GABRA3: variants seen among roughly 807,000 people sequenced by gnomAD.
GABRA3 encodes the protein gamma-aminobutyric acid type A receptor subunit alpha3, also known as gamma-aminobutyric acid receptor subunit alpha-3.
In GABRA3, 10 loss-of-function variants were observed where a neutral mutation model predicts 30.1. The ratio of observed to expected loss-of-function variants is 0.33; its 90% CI spans 0.20 to 0.56. The LOEUF (loss-of-function observed/expected upper bound fraction) is 0.56, where lower values mean the gene tolerates loss of function less well. Among genes scored for constraint, GABRA3 ranks in the 20% least tolerant of loss-of-function variants. GABRA3 has a pLI of 0.89. For synonymous variants in GABRA3, 151 were observed against 146.8 expected (o/e 1.03, Z -0.21); for missense variants, 233 against 392.0 (o/e 0.59, Z 3.42).
At chrX:152,338,978 G>A (rs1482409407) in intron 3 of GABRA3, among the ~76,000 whole-genome samples, 1 of 110,756 alleles carries the variant, frequency 9.0e-6, no homozygotes, top group East Asian at 2.8e-4. Context: ...CTCCAGTTTT[G>A]TTATTTATTT....
chrX:152,265,777 A>G (rs1255997955), intron 4 of GABRA3, among the ~76,000 whole-genome samples: 6 of 111,764 alleles, frequency 5.4e-5, no homozygotes, highest in Non-Finnish European at 9.4e-5. Context: ...GAATAATGAA[A>G]TAAAATCAGA....
chrX:152,242,780 C>A (rs771385827), intron 5 of GABRA3, among the ~76,000 whole-genome samples: 1 of 111,624 alleles, frequency 9.0e-6, no homozygotes, highest in South Asian at 3.7e-4. Context: ...CTCTTTCATA[C>A]GGCCATTATA....
In GABRA3 at chrX:152,167,525, G is replaced by C. The variant is rs1936951659; in HGVS notation, c.*703C>G. On this transcript the variant is annotated 3_prime_UTR_variant, in exon 10 of 10. Transcript: ENST00000370314. ...GGCAGTGGGGGAAGAAGATTTTCTGGAGGAGAGATGTACCAAGGAGGGGAC... is the reference window on the plus strand; with the variant it reads ...GGCAGTGGGGGAAGAAGATTTTCTGCAGGAGAGATGTACCAAGGAGGGGAC... The C allele has an allele frequency of 9.0e-6, 1 of 111,698 alleles. No homozygotes were observed. Among genetic ancestry groups the C allele is most frequent in the African/African-American group, 3.3e-5 (1 of 30,643 alleles). The allele number at this position is 111,698 out of a possible 1,213,427, so 9.2% of individuals were successfully genotyped here.
rs759213705 is a variant in GABRA3, at chrX:152,396,600, A to G, written c.-26-32004T>C. On this transcript the variant is annotated intron_variant, in intron 1 of 9. Transcript: ENST00000370314. ...CTCACAATCATCTATTATTAGAAGT[A>G]GAGAGTAGTAGAATCATCCAAATAC... 1.8e-4 allele frequency among the ~76,000 whole-genome samples: 20 copies of G among 112,298 alleles called. No individual in the cohort carries two copies. The South Asian group carries it at 7.3e-3, about 41-fold the overall frequency.
At chrX:152,180,859 A>T (rs1018075825) in intron 9 of GABRA3, among the ~76,000 whole-genome samples, 7 of 111,886 alleles carry the variant, frequency 6.3e-5, no homozygotes, top group African/African-American at 2.3e-4. Context: ...AAATGCATGA[A>T]TTTATTTTTG....
At chrX:152,421,188 C>G (rs767936652) in intron 1 of GABRA3, among the ~76,000 whole-genome samples, 1 of 109,737 alleles carries the variant, frequency 9.1e-6, no homozygotes, top group African/African-American at 3.3e-5. Flanking sequence ...TACAGTAAGT[C>G]CTCACCTTAA....
intron 1 of GABRA3, among the ~76,000 whole-genome samples, chrX:152,443,486 T>A (rs1194941696): frequency 9.0e-6 from 1 of 111,705 alleles, no homozygotes; most frequent in African/African-American, 3.3e-5. Context: ...TCTTAATAAT[T>A]CATTCAACAA....
chrX:152,439,480 G>C (rs767906849), intron 1 of GABRA3, among the ~76,000 whole-genome samples: 17 of 111,406 alleles, frequency 1.5e-4, no homozygotes, highest in African/African-American at 5.2e-4. Context: ...ATAATGAGCA[G>C]CTGAGACTCT....
At position 152,189,844 on chromosome X, in the gene GABRA3, G is replaced by A. The variant is rs941267146; in HGVS notation, c.1029C>T (p.Ala343=). 1.4e-5 allele frequency: 17 copies of A among 1,205,890 alleles called. No individual in the cohort carries two copies. The highest frequency in any genetic ancestry group is 3.0e-5 in the East Asian group (1 of 33,659). Residue 343 remains alanine (A), a synonymous_variant, in exon 9 of 10, where the codon GCC becomes GCT. Coordinates refer to ENST00000370314, the MANE Select transcript of GABRA3 (RefSeq NM_000808.4). ...CAGAAAATACAAAGGCATAACAGAC[G>A]GCTATGAACCAGTCCATGGCCGTCG... is the stretch of plus-strand genomic sequence containing the variant. ...AYATAMDWFI[A]VCYAFVFSAL... is the part of the protein sequence containing the mutation.
chrX:152,241,177 G>C (rs1174326709), intron 5 of GABRA3, among the ~76,000 whole-genome samples: 3 of 98,962 alleles, frequency 3.0e-5, no homozygotes, highest in Non-Finnish European at 6.3e-5. Context: ...TGGGTTTTCG[G>C]TGTGGATGTC....
chrX:152,351,139 A>G (rs1940473416), intron 2 of GABRA3, among the ~76,000 whole-genome samples: 1 of 111,671 alleles, frequency 9.0e-6, no homozygotes. Flanking sequence ...CCAATAGTAA[A>G]TGAACAATGG....
At chrX:152,432,205 T>C (rs1201299766) in intron 1 of GABRA3, among the ~76,000 whole-genome samples, 1 of 111,933 alleles carries the variant, frequency 8.9e-6, no homozygotes, top group East Asian at 2.8e-4. Context: ...AGTAGGAAAT[T>C]AATAAATTTG....
chrX:152,426,943 G>A (rs1279610371), intron 1 of GABRA3, among the ~76,000 whole-genome samples: 1 of 111,912 alleles, frequency 8.9e-6, no homozygotes, highest in Non-Finnish European at 1.9e-5. Context: ...AATATGGGAA[G>A]AGACTGGGCT....
intron 2 of GABRA3, among the ~76,000 whole-genome samples, chrX:152,360,884 G>C (rs1414844900): frequency 9.4e-6 from 1 of 106,565 alleles, no homozygotes; most frequent in Non-Finnish European, 1.9e-5. Context: ...ATCAGCCTGG[G>C]CAAGACAGTG....
intron 3 of GABRA3, among the ~76,000 whole-genome samples, chrX:152,304,786 T>C (rs1011318718): frequency 1.8e-5 from 2 of 111,807 alleles, no homozygotes; most frequent in African/African-American, 6.5e-5. Context: ...AGACTGTTTT[T>C]TTGTTGTTGT....
chrX:152,271,328 C>A (rs1260280922), intron 4 of GABRA3, among the ~76,000 whole-genome samples: 1 of 111,721 alleles, frequency 9.0e-6, no homozygotes, highest in African/African-American at 3.3e-5. Flanking sequence ...AAAGTCCAGA[C>A]TGATATGGTC....
chrX:152,286,886 T>C (rs984938392), intron 3 of GABRA3, among the ~76,000 whole-genome samples: 6 of 112,087 alleles, frequency 5.4e-5, no homozygotes, highest in Non-Finnish European at 7.5e-5. Context: ...GTGTTTTAAA[T>C]AGCTGGGCTC....
chrX:152,221,883 T>C (rs1406583887), intron 6 of GABRA3, among the ~76,000 whole-genome samples: 1 of 111,377 alleles, frequency 9.0e-6, no homozygotes, highest in East Asian at 2.9e-4. Flanking sequence ...CCTCCCACCC[T>C]CCAAAAACCC....
At chrX:152,297,969 G>T (rs1939560149) in intron 3 of GABRA3, among the ~76,000 whole-genome samples, 1 of 112,175 alleles carries the variant, frequency 8.9e-6, no homozygotes, top group South Asian at 3.7e-4. Flanking sequence ...TAACTTGGAG[G>T]CTCACTGCAC....
Sources: gnomAD v4.1 joint callset for allele counts (sites outside exome capture counted in the v4.1 genomes callset) on GRCh38, gnomAD v4.1.1 for gene constraint, MANE v1.5 for transcripts, NCBI Gene and HGNC (gene_info 2026-07-23, HGNC 2026-07-21) for gene names.